RPGRIP1L: variants seen among roughly 807,000 people sequenced by gnomAD.
RPGRIP1L encodes RPGRIP1 like.
In RPGRIP1L, 131 loss-of-function variants were observed where a neutral mutation model predicts 160.4. The ratio of observed to expected loss-of-function variants is 0.82; its 90% confidence interval spans 0.71 to 0.94. The LOEUF (loss-of-function observed/expected upper bound fraction) is 0.94, where lower values mean the gene tolerates loss of function less well. Ranked by LOEUF, RPGRIP1L falls within the 40% of genes least tolerant of loss-of-function variation. The pLI, the probability that RPGRIP1L is intolerant of heterozygous loss-of-function variation, is 0.00. For synonymous variants in RPGRIP1L, 510 were observed against 515.8 expected (o/e 0.99, Z 0.15); for missense variants, 1,522 against 1,535.8 (o/e 0.99, Z 0.15).
intron 25 of RPGRIP1L, among the ~76,000 whole-genome samples, chr16:53,610,442 T>G (rs1299239664): frequency 6.6e-6 from 1 of 152,212 alleles, no homozygotes; most frequent in African/African-American, 2.4e-5. Flanking sequence ...TGATTGCAAT[T>G]AACACTCACT....
chr16:53,610,656 T>C (rs1457568782), intron 25 of RPGRIP1L, among the ~76,000 whole-genome samples: 1 of 152,224 alleles, frequency 6.6e-6, no homozygotes, highest in Non-Finnish European at 1.5e-5. Context: ...CTCCAGAGTG[T>C]ACCCACCTTT....
chr16:53,698,750 C>T (rs1010392486), intron 2 of RPGRIP1L, among the ~76,000 whole-genome samples: 5 of 149,414 alleles, frequency 3.3e-5, no homozygotes, highest in Non-Finnish European at 7.4e-5. Context: ...CCAGCCGCCC[C>T]GTCTGGGAGG....
chr16:53,600,926 T>C lies in RPGRIP1L; in HGVS notation c.*1150A>G, dbSNP rs1963350789. 6.6e-6 allele frequency: 1 copy of C among 152,560 alleles called. No individual in the cohort carries two copies. Among genetic ancestry groups the C allele is most frequent in the Admixed American group, 6.5e-5 (1 of 15,278 alleles). The allele number at this position is 152,560 out of a possible 1,614,324, so 9.5% of individuals were successfully genotyped here. On this transcript the variant is annotated 3_prime_UTR_variant, in exon 27 of 27. Coordinates refer to ENST00000647211, the MANE Select transcript of RPGRIP1L (RefSeq NM_015272.5). The stretch of plus-strand genomic sequence containing the variant: ...ATCTCCCTGAATACTTTACATATGC[T>C]TAAGAAGGAACATAGCCTGTTTGCA...
intron 22 of RPGRIP1L, among the ~76,000 whole-genome samples, chr16:53,629,582 G>C (rs536752036): frequency 2.0e-5 from 3 of 152,252 alleles, no homozygotes; most frequent in African/African-American, 7.2e-5. Context: ...CAGTTCTTTT[G>C]CTATTATTCA....
In RPGRIP1L at chr16:53,675,218, C is replaced by T. The variant is rs538722182; in HGVS notation, c.777-96G>A. On this transcript the variant is annotated intron_variant, in intron 6 of 26. Transcript: ENST00000647211. ...AATCACAATTTTTCAACTAATGTTA[C>T]ATAGAAAATATTTATATACTTGTAC... The T allele has an allele frequency of 2.6e-4, 193 of 756,736 alleles. No homozygotes were observed. The African/African-American group carries it at 2.8e-3, about 11-fold the overall frequency. The allele number at this position is 756,736 out of a possible 1,614,324, so 46.9% of individuals were successfully genotyped here. A position where few individuals can be genotyped will look rare whatever the true frequency, so the allele number is the denominator to read the frequency against.
chr16:53,648,820 T>C lies in RPGRIP1L; in HGVS notation c.2304+144A>G. 1.4e-5 allele frequency: 10 copies of C among 732,980 alleles called. No homozygotes were observed. The South Asian group carries it at 1.7e-4, about 12-fold the overall frequency. The allele number at this position is 732,980 out of a possible 1,614,324, so 45.4% of individuals were successfully genotyped here. ...TCTTTGTACTATTTTTACCACTTCC[T>C]GTGAGTATATGATTACTTCAAAATA... On this transcript the variant is annotated intron_variant, in intron 16 of 26. Coordinates refer to ENST00000647211, the MANE Select transcript of RPGRIP1L (RefSeq NM_015272.5).
intron 9 of RPGRIP1L, among the ~76,000 whole-genome samples, chr16:53,668,656 C>T (rs1251269843): frequency 6.6e-6 from 1 of 151,928 alleles, no homozygotes; most frequent in Non-Finnish European, 1.5e-5. Context: ...GTTACATGGC[C>T]CCAACACTAA....
chr16:53,657,417 GA>G, intron 13 of RPGRIP1L, 35 bp downstream of exon 13: 2 of 1,398,198 alleles, frequency 1.4e-6, no homozygotes, highest in Non-Finnish European at 2.0e-6. Context: ...GAATATTATA[GA>G]AAACTTACTT....
rs1229314164 is a variant in RPGRIP1L, at chr16:53,647,355, T to TC, written c.2305-1353dup. ...ACATAGTAGAAATATGGCTGGACCTTCGGAAGGCAGTGGCCTAGAAACCAG... is the reference window on the plus strand; with the variant it reads ...ACATAGTAGAAATATGGCTGGACCTTCCGGAAGGCAGTGGCCTAGAAACCAG... On this transcript the variant is annotated intron_variant, in intron 16 of 26. Transcript: ENST00000647211. Among the ~76,000 whole-genome samples, 3 of 152,208 alleles carry TC rather than the reference T, an allele frequency of 2.0e-5. No individual in the cohort carries two copies. The East Asian group carries it at 5.8e-4, about 29-fold the overall frequency.
intron 22 of RPGRIP1L, chr16:53,628,424 G>T (rs1451599628): frequency 6.6e-6 from 1 of 152,096 alleles, no homozygotes; most frequent in Non-Finnish European, 1.5e-5. Flanking sequence ...TTCAGGCTGG[G>T]CATGGGCAGA....
chr16:53,673,768 T>A (rs1260615450), intron 7 of RPGRIP1L, among the ~76,000 whole-genome samples: 1 of 152,104 alleles, frequency 6.6e-6, no homozygotes, highest in Admixed American at 6.6e-5. Flanking sequence ...CTTGGTATTA[T>A]TATAGAACAG....
chr16:53,612,731 T>C lies in RPGRIP1L; in HGVS notation c.3617-1680A>G, dbSNP rs537227156. ...AATAGCTTAAATCATTTTTTTATTG[T>C]GGTAAAATACACATAACATAAAATT... On this transcript the variant is annotated intron_variant, in intron 24 of 26. Coordinates refer to ENST00000647211, the MANE Select transcript of RPGRIP1L (RefSeq NM_015272.5). Among the ~76,000 whole-genome samples the C allele has an allele frequency of 3.9e-5, 6 of 152,332 alleles. No homozygotes were observed. The South Asian group carries it at 8.3e-4, about 21-fold the overall frequency.
chr16:53,657,322 C>G, intron 13 of RPGRIP1L, 131 bp downstream of exon 13: 1 of 634,374 alleles, frequency 1.6e-6, no homozygotes, highest in Non-Finnish European at 2.7e-6. Flanking sequence ...AGGCTACATT[C>G]CAGAGATGTG....
At chr16:53,635,366 A>T (rs1166675135) in intron 22 of RPGRIP1L, 1 of 152,162 alleles carries the variant, frequency 6.6e-6, no homozygotes, top group Non-Finnish European at 1.5e-5. Flanking sequence ...AAAATGTTCT[A>T]TTTGTATTTA....
intron 22 of RPGRIP1L, among the ~76,000 whole-genome samples, chr16:53,634,886 G>A (rs1965741625): frequency 1.3e-5 from 2 of 152,162 alleles, no homozygotes; most frequent in Non-Finnish European, 2.9e-5. Context: ...ATAGGATGCT[G>A]GTCAGTGACT....
At chr16:53,640,954 G>T in intron 19 of RPGRIP1L, 79 bp downstream of exon 19, 1 of 974,606 alleles carries the variant, frequency 1.0e-6, no homozygotes, top group Non-Finnish European at 1.6e-6. Context: ...TTTAAATCAG[G>T]TAGGGAATAA....
chr16:53,671,852 A>G (rs1004653786), intron 8 of RPGRIP1L, among the ~76,000 whole-genome samples: 3 of 152,176 alleles, frequency 2.0e-5, no homozygotes, highest in African/African-American at 7.2e-5. Context: ...GCCAGAAGTC[A>G]TTAAAGAATA....
intron 10 of RPGRIP1L, among the ~76,000 whole-genome samples, chr16:53,663,359 T>C (rs1276269157): frequency 2.0e-5 from 3 of 152,030 alleles, no homozygotes. Context: ...AAAGCTTCTT[T>C]GCAAAGATCA....
At chr16:53,644,553 G>A (rs1290396711) in intron 17 of RPGRIP1L, among the ~76,000 whole-genome samples, 2 of 152,100 alleles carry the variant, frequency 1.3e-5, no homozygotes, top group African/African-American at 4.8e-5. Flanking sequence ...ACTGTTGAAA[G>A]CCAAAACAAA....
Sources: allele counts gnomAD v4.1 joint callset (sites outside exome capture counted in the v4.1 genomes callset), GRCh38; gene constraint gnomAD v4.1.1; transcripts MANE v1.5; gene names NCBI Gene and HGNC (gene_info 2026-07-23, HGNC 2026-07-21).